Variants in FBXL17 observed in about 807,000 individuals in gnomAD.
FBXL17 encodes the protein F-box and leucine rich repeat protein 17.
Under a neutral mutation model 66.2 loss-of-function variants are expected in FBXL17, and 22 were observed. The observed-to-expected ratio is 0.33, with a 90% CI of 0.24 to 0.47. The LOEUF is 0.47. FBXL17 is among the 20% of genes least tolerant of loss of function. The pLI is 1.00. For synonymous variants in FBXL17, 474 were observed against 400.5 expected (o/e 1.18, Z -2.19); for missense variants, 878 against 948.2 (o/e 0.93, Z 0.97).
intron 1 of FBXL17, among the ~76,000 whole-genome samples, chr5:108,371,494 G>C (rs1405618579): frequency 6.6e-6 from 1 of 152,174 alleles, no homozygotes; most frequent in African/African-American, 2.4e-5. Context: ...ACTGGCAGTG[G>C]ATTTGGCCTG....
At chr5:108,156,130 A>C (rs1340493082) in intron 6 of FBXL17, among the ~76,000 whole-genome samples, 1 of 152,098 alleles carries the variant, frequency 6.6e-6, no homozygotes, top group East Asian at 1.9e-4. Context: ...ATAGGGAATT[A>C]TTCTTATTTT....
At chr5:107,861,922 G>A (rs1408464109) in intron 8 of FBXL17, 62 bp from the exon 9 acceptor site, 8 of 1,395,880 alleles carry the variant, frequency 5.7e-6, no homozygotes, top group East Asian at 5.4e-5. Context: ...CGCTGCCCAC[G>A]CTCACTGATG....
chr5:108,289,742 C>T (rs539863635), intron 4 of FBXL17, among the ~76,000 whole-genome samples: 1 of 152,196 alleles, frequency 6.6e-6, no homozygotes, highest in East Asian at 1.9e-4. Context: ...TATCTAAGTT[C>T]CAGTTTCCTA....
intron 5 of FBXL17, among the ~76,000 whole-genome samples, chr5:108,212,368 C>A (rs574898712): frequency 2.0e-5 from 3 of 152,166 alleles, no homozygotes; most frequent in Non-Finnish European, 4.4e-5. Flanking sequence ...CAGTTTTGTT[C>A]TCTTGCTGGC....
chr5:108,229,443 G>A lies in FBXL17; in HGVS notation c.1507-5215C>T, dbSNP rs1436479969. 2.6e-5 allele frequency among the ~76,000 whole-genome samples: 4 copies of A among 152,036 alleles called. No homozygotes were observed. The East Asian group carries it at 7.7e-4, about 29-fold the overall frequency. On this transcript the variant is annotated intron_variant, in intron 4 of 8. Coordinates refer to ENST00000542267, the MANE Select transcript of FBXL17 (RefSeq NM_001163315.3). ...TTACAGCCAACTGATCTTAGACAAAGCCAACAAAAACATAAAGTGAGAAAA... is the reference window on the plus strand; with the variant it reads ...TTACAGCCAACTGATCTTAGACAAAACCAACAAAAACATAAAGTGAGAAAA...
intron 4 of FBXL17, among the ~76,000 whole-genome samples, chr5:108,292,610 T>A (rs983305567): frequency 6.6e-6 from 1 of 152,192 alleles, no homozygotes; most frequent in Non-Finnish European, 1.5e-5. Context: ...TGAGGGATCA[T>A]GACCTCACAA....
intron 6 of FBXL17, among the ~76,000 whole-genome samples, chr5:108,043,521 A>G (rs1747130352): frequency 6.6e-6 from 1 of 152,282 alleles, no homozygotes; most frequent in African/African-American, 2.4e-5. Flanking sequence ...CATCTTTGGC[A>G]AACTCACATA....
chr5:107,860,090 C>A lies in FBXL17; in HGVS notation c.*1630G>T, dbSNP rs1485957659. The A allele has an allele frequency of 6.6e-6, 1 of 152,058 alleles. No homozygotes were observed. Among genetic ancestry groups the A allele is most frequent in the Non-Finnish European group, 1.5e-5 (1 of 67,974 alleles). The allele number at this position is 152,058 out of a possible 1,614,324, so 9.4% of individuals were successfully genotyped here. A position where few individuals can be genotyped will look rare whatever the true frequency, so the allele number is the denominator to read the frequency against. ...TGGGATTAAAACAAAAATGCCACAT[C>A]AGAAACATGTTGACATAATCAAAGG... On this transcript the variant is annotated 3_prime_UTR_variant, in exon 9 of 9. Transcript: ENST00000542267.
intron 7 of FBXL17, among the ~76,000 whole-genome samples, chr5:107,980,293 G>A (rs1055646289): frequency 2.0e-5 from 3 of 151,920 alleles, no homozygotes; most frequent in African/African-American, 7.3e-5. Context: ...AGACAGAAAG[G>A]GGATAAAATA....
rs1242739302 is a variant in FBXL17 at position 108,177,932 on chromosome 5, T to TATATATATATATATATATATATATACAC, written c.1745+8184_1745+8185insGTGTATATATATATATATATATATATAT. ...AAATGTATATATATATATATATATATACACACACACACTATTACCTCACTA... is the reference window on the plus strand; with the variant it reads ...AAATGTATATATATATATATATATATATATATATATATATATATATATATACACACACACACACACTATTACCTCACTA... On this transcript the variant is annotated intron_variant, in intron 6 of 8. Coordinates refer to ENST00000542267, the MANE Select transcript of FBXL17 (RefSeq NM_001163315.3). Among the ~76,000 whole-genome samples, 244 of 126,562 alleles carry TATATATATATATATATATATATATACAC rather than the reference T, an allele frequency of 1.9e-3. 2 individuals carry two copies. Among genetic ancestry groups the TATATATATATATATATATATATATACAC allele is most frequent in the Non-Finnish European group, 2.6e-3 (147 of 57,134 alleles). 83.0% of individuals were successfully genotyped at this position (126,562 alleles called of 152,430 possible).
At chr5:108,317,591 T>C (rs1759429879) in intron 4 of FBXL17, among the ~76,000 whole-genome samples, 2 of 151,326 alleles carry the variant, frequency 1.3e-5, no homozygotes, top group South Asian at 2.1e-4. Context: ...TACTCTGTTA[T>C]GGTATAAAAA....
chr5:107,867,463 C>T (rs180724768), intron 8 of FBXL17, among the ~76,000 whole-genome samples: 67 of 152,300 alleles, frequency 4.4e-4, no homozygotes, highest in African/African-American at 9.6e-4. Flanking sequence ...TGATCCTGGA[C>T]GTGAGTCGGT....
chr5:108,380,197 G>A (rs113888049), intron 1 of FBXL17, among the ~76,000 whole-genome samples: 2,499 of 152,156 alleles, frequency 0.016, 68 homozygotes, highest in African/African-American at 0.055. Context: ...TATTTATCTC[G>A]AAGCGTTAAC....
At position 108,380,820 on chromosome 5, in the gene FBXL17, T is replaced by A; in HGVS notation, c.872A>T (p.Gln291Leu). The change falls in exon 1 of 9, where the codon CAG becomes CTG. Residue 291 changes from glutamine (Q) to leucine (L), a missense_variant. Physicochemically the swap from Gln to Leu is moderately radical, Grantham distance 113. This residue lies in a region of FBXL17 where 605 missense variants were observed against 509.5 expected (regional missense o/e 1.19). Transcript: ENST00000542267. ...AGGTAPLSAQQQHECGDADCR... is the reference protein window; with the variant it reads ...AGGTAPLSAQLQHECGDADCR... ...GTCCGCGTCGCCACATTCATGCTGC[T>A]GCTGGGCGGACAAGGGGGCGGTGCC... The A allele has an allele frequency of 8.0e-7, 1 of 1,248,026 alleles. No homozygotes were observed. The highest frequency in any genetic ancestry group is 4.1e-5 in the South Asian group (1 of 24,476). 77.3% of individuals were successfully genotyped at this position (1,248,026 alleles called of 1,614,324 possible).
chr5:108,209,771 CT>C (rs1561465967), intron 5 of FBXL17, among the ~76,000 whole-genome samples: 3 of 152,154 alleles, frequency 2.0e-5, no homozygotes, highest in South Asian at 4.1e-4. Context: ...CTAAAATTTT[CT>C]TTTTTTATTG....
chr5:108,122,609 A>G (rs954951681), intron 6 of FBXL17, among the ~76,000 whole-genome samples: 2 of 152,206 alleles, frequency 1.3e-5, no homozygotes, highest in African/African-American at 4.8e-5. Flanking sequence ...GTATAATTAG[A>G]AAACCAACAT....
At chr5:108,072,707 C>CAA (rs34260537) in intron 6 of FBXL17, among the ~76,000 whole-genome samples, 2 of 151,662 alleles carry the variant, frequency 1.3e-5, no homozygotes, top group African/African-American at 2.4e-5. Context: ...GACTCTGTCT[C>CAA]AAAAAAAGAA....
At chr5:108,107,811 C>CAAAAAAAAAA (rs143806373) in intron 6 of FBXL17, among the ~76,000 whole-genome samples, 2 of 120,740 alleles carry the variant, frequency 1.7e-5, no homozygotes, top group African/African-American at 6.3e-5. Flanking sequence ...GACTCTGTCT[C>CAAAAAAAAAA]AAAAAAAAAA....
chr5:108,178,272 TC>T lies in FBXL17; in HGVS notation c.1745+7844del, dbSNP rs535972581. ...CATGTTGCCCAGGCTGGTCTTGAACTCCTGAGCTCAAGTAGTCCACCCTCCT... is the reference window on the plus strand; with the variant it reads ...CATGTTGCCCAGGCTGGTCTTGAACTCTGAGCTCAAGTAGTCCACCCTCCT... On this transcript the variant is annotated intron_variant, in intron 6 of 8. Transcript: ENST00000542267. Among the ~76,000 whole-genome samples the T allele has an allele frequency of 1.8e-4, 27 of 152,180 alleles. No individual in the cohort carries two copies. The South Asian group carries it at 5.6e-3, about 32-fold the overall frequency.
Sources: allele counts gnomAD v4.1 joint callset (sites outside exome capture counted in the v4.1 genomes callset), GRCh38; gene constraint gnomAD v4.1.1; regional missense constraint gnomAD v4.1.1; transcripts MANE v1.5; gene names NCBI Gene and HGNC (gene_info 2026-07-23, HGNC 2026-07-21).